The following MASP2 variants were observed in gnomAD, a reference collection of about 807,000 sequenced individuals.
The protein encoded by MASP2 is MBL associated serine protease 2, also known as mannan-binding lectin serine protease 2.
A neutral mutation model predicts 57.1 loss-of-function variants in MASP2; 49 were observed. That is an observed-to-expected ratio of 0.86 (90% CI 0.68 to 1.09). MASP2 has a LOEUF of 1.09. Ranked by LOEUF, MASP2 falls within the 50% of genes least tolerant of loss-of-function variation. The pLI is 0.00. For synonymous variants in MASP2, 379 were observed against 340.8 expected, an observed-to-expected ratio of 1.11 and a Z score of -1.24; for missense variants, 900 against 874.8, an observed-to-expected ratio of 1.03 and a Z score of -0.36.
chr1:11,043,533 G>A lies in MASP2; in HGVS notation c.547C>T (p.Leu183=), dbSNP rs1324494243. 1 of 1,595,190 alleles carries A rather than the reference G, an allele frequency of 6.3e-7. No individual in the cohort carries two copies. The highest frequency in any genetic ancestry group is 2.3e-5 in the East Asian group (1 of 44,424). The stretch of plus-strand genomic sequence containing the variant: ...TGGGTGAAGACCTGGCCGGAGCACA[G>A]GGCTGGAAGGAGGGAAGGCAGGGGA... ...LHRNKRTCSA[L]CSGQVFTQRS... Residue 183 remains leucine (L), a splice_region_variant and synonymous_variant, in exon 5 of 11, where the codon CTG becomes TTG. Coordinates refer to ENST00000400897, the MANE Select transcript of MASP2 (RefSeq NM_006610.4).
In MASP2 at chr1:11,039,116, T is replaced by TTCCTAGC. The variant is rs150286642; in HGVS notation, c.890-1312_890-1306dup. Among the ~76,000 whole-genome samples, 803 of 152,088 alleles carry TTCCTAGC rather than the reference T, an allele frequency of 5.3e-3. 6 individuals carry two copies. Among genetic ancestry groups the TTCCTAGC allele is most frequent in the African/African-American group, 0.018 (763 of 41,308 alleles). Reference sequence around the variant, plus strand: ...TCAGCATTTCCTATTCAAGGATAGCTTCCTAGCTCCTAGCCCCTGTCTGGT... The same window carrying TTCCTAGC: ...TCAGCATTTCCTATTCAAGGATAGCTTCCTAGCTCCTAGCTCCTAGCCCCTGTCTGGT... On this transcript the variant is annotated intron_variant, in intron 6 of 10. Transcript: ENST00000400897.
intron 6 of MASP2, among the ~76,000 whole-genome samples, chr1:11,041,297 A>G (rs1420806736): frequency 2.0e-5 from 3 of 150,878 alleles, no homozygotes; most frequent in Non-Finnish European, 4.4e-5. Flanking sequence ...GGATAGAAGG[A>G]TGGATGGATG....
At position 11,027,534 on chromosome 1, in the gene MASP2, G is replaced by A; in HGVS notation, c.1412C>T (p.Ala471Val). ...TAGGACCCAGTTGTCATATAAAAGT[G>A]CACCTGCTGCTGTGGTTCCACCTAA... Reference protein sequence around the residue: ...LILGGTTAAGALLYDNWVLTA... With the variant: ...LILGGTTAAGVLLYDNWVLTA... The change falls in exon 11 of 11, where the codon GCA becomes GTA. Residue 471 changes from alanine to valine, a missense_variant. Coordinates refer to ENST00000400897, the MANE Select transcript of MASP2 (RefSeq NM_006610.4). 1.9e-6 allele frequency: 3 copies of A among 1,614,188 alleles called. No individual in the cohort carries two copies. The highest frequency in any genetic ancestry group is 1.7e-6 in the Non-Finnish European group (2 of 1,180,042).
At chr1:11,041,125 G>GGATGGAAGGATGTGTTGGTAGAAGGAA (rs1638415789) in intron 6 of MASP2, among the ~76,000 whole-genome samples, 1 of 150,056 alleles carries the variant, frequency 6.7e-6, no homozygotes. Flanking sequence ...ATGGATGGAT[G>GGATGGAAGGATGTGTTGGTAGAAGGAA]GATGGATGGA....
chr1:11,045,998 C>T (rs950512329), intron 3 of MASP2: 2 of 197,120 alleles, frequency 1.0e-5, no homozygotes, highest in East Asian at 2.6e-4. Context: ...ATGGGGCCCT[C>T]GGCCCCTGCG....
chr1:11,046,691 C>A lies in MASP2; in HGVS notation c.277G>T (p.Glu93Ter), dbSNP rs747767865. 6.2e-7 allele frequency: 1 copy of A among 1,613,448 alleles called. No homozygotes were observed. Among genetic ancestry groups the A allele is most frequent in the Non-Finnish European group, 8.5e-7 (1 of 1,180,004 alleles). ...AKVLATLCGQESTDTERAPGK... is the reference protein window; with the variant it reads ...AKVLATLCGQ ...GGGGCCCGCTCCGTGTCTGTGCTCT[C>A]CTGCCCGCACAGCGTGGCCAGCACC... The change falls in exon 3 of 11, where the codon GAG becomes TAG. Residue 93 changes from glutamate (E) to a stop codon, truncating the protein, a stop_gained. Transcript: ENST00000400897. LOFTEE classifies it high-confidence loss of function.
In MASP2 at chr1:11,026,674, C is replaced by CG; in HGVS notation, c.*210dup. On this transcript the variant is annotated 3_prime_UTR_variant, in exon 11 of 11. Coordinates refer to ENST00000400897, the MANE Select transcript of MASP2 (RefSeq NM_006610.4). The stretch of plus-strand genomic sequence containing the variant: ...GGTGGGCAAAGATGACTGTCACTCT[C>CG]GTGGTTTATGTCCCCTTGAGTCAAT... 2 of 389,926 alleles carry CG rather than the reference C, an allele frequency of 5.1e-6. No homozygotes were observed. The highest frequency in any genetic ancestry group is 4.5e-6 in the Non-Finnish European group (1 of 221,174). The allele number at this position is 389,926 out of a possible 1,614,324, so 24.2% of individuals were successfully genotyped here.
rs1294600811 is a variant in MASP2, at chr1:11,026,631, A to G, written c.*254T>C. 9.0e-6 allele frequency: 3 copies of G among 332,136 alleles called. No individual in the cohort carries two copies. The highest frequency in any genetic ancestry group is 4.8e-5 in the Admixed American group (1 of 20,908). 20.6% of individuals were successfully genotyped at this position (332,136 alleles called of 1,614,324 possible). On this transcript the variant is annotated 3_prime_UTR_variant, in exon 11 of 11. Transcript: ENST00000400897. ...TTTTAAGGTAATGAAATGTAATTTG[A>G]GCAGTGACATTACACTGGGTGGGCA...
intron 10 of MASP2, among the ~76,000 whole-genome samples, chr1:11,029,395 G>A (rs189362297): frequency 2.9e-4 from 43 of 149,988 alleles, no homozygotes; most frequent in African/African-American, 9.5e-4. Flanking sequence ...GCGAGATTCC[G>A]TCTCAAAAAA....
In MASP2 at chr1:11,026,877, C is replaced by T. The variant is rs748635006; in HGVS notation, c.*8G>A. On this transcript the variant is annotated 3_prime_UTR_variant, in exon 11 of 11. Coordinates refer to ENST00000400897, the MANE Select transcript of MASP2 (RefSeq NM_006610.4). ...AAAATGAAGAATCCTTGACTGCAGA[C>T]ACGCAAGTTAAAAATCACTAATTAT... is the stretch of plus-strand genomic sequence containing the variant. 3 of 1,473,820 alleles carry T rather than the reference C, an allele frequency of 2.0e-6. No individual in the cohort carries two copies. The Admixed American group carries it at 7.9e-5, about 39-fold the overall frequency. 91.3% of individuals were successfully genotyped at this position (1,473,820 alleles called of 1,614,324 possible).
chr1:11,029,204 G>A lies in MASP2; in HGVS notation c.1297+972C>T, dbSNP rs367941511. Reference sequence around the variant, plus strand: ...TTTAGTAGAGACGGAGTTTCACCATGTTGGCCAAGATGGTCTCGATCTCCT... The same window carrying A: ...TTTAGTAGAGACGGAGTTTCACCATATTGGCCAAGATGGTCTCGATCTCCT... On this transcript the variant is annotated intron_variant, in intron 10 of 10. Transcript: ENST00000400897. 5.3e-5 allele frequency among the ~76,000 whole-genome samples: 8 copies of A among 149,996 alleles called. No homozygotes were observed. The East Asian group carries it at 1.6e-3, about 29-fold the overall frequency.
chr1:11,031,166 C>T (rs1388573785), intron 8 of MASP2, among the ~76,000 whole-genome samples: 3 of 151,966 alleles, frequency 2.0e-5, no homozygotes, highest in African/African-American at 7.3e-5. Context: ...AGGTGTGCTG[C>T]CTTTCCTAGA....
chr1:11,034,701 A>AT, intron 8 of MASP2, 127 bp downstream of exon 8: 1 of 241,654 alleles, frequency 4.1e-6, no homozygotes. Flanking sequence ...CCTGTCTCAG[A>AT]AAAAAAAAAA....
At chr1:11,034,241 CAGAA>C (rs1643872628) in intron 8 of MASP2, among the ~76,000 whole-genome samples, 1 of 97,020 alleles carries the variant, frequency 1.0e-5, no homozygotes, top group South Asian at 3.5e-4. Context: ...AGACCCTTCT[CAGAA>C]AAAAAAAAAA....
intron 6 of MASP2, 136 bp downstream of exon 6, chr1:11,042,739 A>ACC (rs1638499105): frequency 1.0e-6 from 1 of 970,790 alleles, no homozygotes; most frequent in South Asian, 1.8e-5. Flanking sequence ...GCTGCCTCAG[A>ACC]CCTCAGACAC....
At chr1:11,031,528 T>TA (rs565771459) in intron 8 of MASP2, among the ~76,000 whole-genome samples, 36 of 67,502 alleles carry the variant, frequency 5.3e-4, no homozygotes, top group Admixed American at 2.8e-3. Context: ...GACTCTGTCT[T>TA]AAAAAAAAAA....
Position 11,046,726 on chromosome 1 carries a change from G to T in MASP2, c.242C>A (p.Ser81Ter), listed in dbSNP as rs148831269. 43 of 1,611,890 alleles carry T rather than the reference G, an allele frequency of 2.7e-5. No individual in the cohort carries two copies. The highest frequency in any genetic ancestry group is 3.5e-5 in the Non-Finnish European group (41 of 1,179,486). ...LCEYDFVKLS[S>*]GAKVLATLCG... is the part of the protein sequence containing the mutation. Reference sequence around the variant, plus strand: ...CAGCGTGGCCAGCACCTTGGCCCCCGAGCTCAGCTGTGGGGTCAGGTGTCA... The same window carrying T: ...CAGCGTGGCCAGCACCTTGGCCCCCTAGCTCAGCTGTGGGGTCAGGTGTCA... The change falls in exon 3 of 11, where the codon TCG becomes TAG. Residue 81 changes from serine to a stop codon, truncating the protein, a stop_gained. Coordinates refer to ENST00000400897, the MANE Select transcript of MASP2 (RefSeq NM_006610.4). LOFTEE classifies it high-confidence loss of function.
intron 8 of MASP2, among the ~76,000 whole-genome samples, chr1:11,033,684 A>G (rs7556039): frequency 0.85 from 128,788 of 152,000 alleles, 54,642 homozygotes; most frequent in African/African-American, 0.89. Context: ...CAAAGAACAC[A>G]CTTTGGAAGC....
At chr1:11,045,334 A>T (rs1196931859) in intron 4 of MASP2, 74 bp downstream of exon 4, 1 of 1,603,900 alleles carries the variant, frequency 6.2e-7, no homozygotes, top group Non-Finnish European at 8.5e-7. Flanking sequence ...ACCCCTGGGC[A>T]GAGCAGCAAT....
Sources: allele counts gnomAD v4.1 joint callset (sites outside exome capture counted in the v4.1 genomes callset), GRCh38; gene constraint gnomAD v4.1.1; transcripts MANE v1.5; gene names NCBI Gene and HGNC (gene_info 2026-07-23, HGNC 2026-07-21).